ATP13A5: variants seen among roughly 807,000 people sequenced by gnomAD.
ATP13A5 encodes the protein ATPase 13A5.
In ATP13A5, 149 loss-of-function variants were observed where a neutral mutation model predicts 150.2. That is an observed-to-expected ratio of 0.99 (90% CI 0.87 to 1.14). The LOEUF (loss-of-function observed/expected upper bound fraction) is 1.14, where lower values mean the gene tolerates loss of function less well. Ranked by LOEUF, ATP13A5 falls within the 50% of genes most tolerant of loss-of-function variation. The pLI, the probability that ATP13A5 is intolerant of heterozygous loss-of-function variation, is 0.00. For synonymous variants in ATP13A5, 497 were observed against 522.2 expected, an observed-to-expected ratio of 0.95 and a Z score of 0.66; for missense variants, 1,383 against 1,449.3, an observed-to-expected ratio of 0.95 and a Z score of 0.74.
At chr3:193,306,247 G>T (rs938046533) in intron 22 of ATP13A5, among the ~76,000 whole-genome samples, 4 of 149,918 alleles carry the variant, frequency 2.7e-5, no homozygotes, top group Admixed American at 6.7e-5. Flanking sequence ...TCTCTAGTTC[G>T]TATCTCTATT....
intron 8 of ATP13A5, 70 bp downstream of exon 8, chr3:193,344,932 AT>A: frequency 2.2e-6 from 3 of 1,386,190 alleles, no homozygotes; most frequent in Non-Finnish European, 1.0e-6. Context: ...TTGACTAATA[AT>A]TAAGGACAAA....
Position 193,284,007 on chromosome 3 carries a change from G to GATTATTATTATTATT in ATP13A5, c.3226+892_3226+906dup, listed in dbSNP as rs3048432. ...TATTCTCTGGCTTCTTTGGCCTGCG[G>GATTATTATTATTATT]ATTATTATTATTATTATTATTATTA... On this transcript the variant is annotated intron_variant, in intron 27 of 29. Transcript: ENST00000342358. Among the ~76,000 whole-genome samples the GATTATTATTATTATT allele has an allele frequency of 6.1e-3, 871 of 141,884 alleles. 10 individuals are homozygous for GATTATTATTATTATT. The highest frequency in any genetic ancestry group is 0.021 in the African/African-American group (796 of 37,970). 93.1% of individuals were successfully genotyped at this position (141,884 alleles called of 152,430 possible).
At chr3:193,286,317 C>T (rs1458160961) in intron 26 of ATP13A5, among the ~76,000 whole-genome samples, 1 of 145,674 alleles carries the variant, frequency 6.9e-6, no homozygotes, top group African/African-American at 2.4e-5. Flanking sequence ...CATACAGGCA[C>T]ACTTTGCTTT....
At chr3:193,318,965 C>T (rs758546914) in intron 17 of ATP13A5, 26 bp downstream of exon 17, 9 of 1,526,830 alleles carry the variant, frequency 5.9e-6, no homozygotes, top group Non-Finnish European at 8.2e-6. Flanking sequence ...AGAGCCTGCT[C>T]TAGTGCCAAT....
At chr3:193,289,784 T>G in intron 26 of ATP13A5, 101 bp downstream of exon 26, 1 of 1,142,460 alleles carries the variant, frequency 8.8e-7, no homozygotes, top group South Asian at 1.8e-5. Flanking sequence ...ACAATTTGAT[T>G]AATTAAAAGT....
chr3:193,280,791 A>G (rs1449233549), intron 27 of ATP13A5, among the ~76,000 whole-genome samples: 1 of 152,198 alleles, frequency 6.6e-6, no homozygotes, highest in Non-Finnish European at 1.5e-5. Flanking sequence ...CATGATACAA[A>G]TGATTCTGAC....
chr3:193,313,506 A>G (rs1386066084), intron 19 of ATP13A5: 4 of 152,282 alleles, frequency 2.6e-5, no homozygotes, highest in Non-Finnish European at 5.9e-5. Context: ...CTATCTAGAA[A>G]AGCCCAGCCT....
chr3:193,333,259 T>G (rs1169734457), intron 11 of ATP13A5, among the ~76,000 whole-genome samples: 1 of 152,084 alleles, frequency 6.6e-6, no homozygotes, highest in Admixed American at 6.6e-5. Flanking sequence ...CCTGTTTGGA[T>G]GTTTTATTCA....
chr3:193,308,879 T>C (rs1718725458), intron 21 of ATP13A5, among the ~76,000 whole-genome samples: 1 of 152,240 alleles, frequency 6.6e-6, no homozygotes, highest in Non-Finnish European at 1.5e-5. Context: ...AGCAATATCA[T>C]GTAATGATCA....
rs1315255038 is a variant in ATP13A5 at position 193,324,848 on chromosome 3, TAA to T, written c.1674+14_1674+15del. The T allele has an allele frequency of 3.7e-6, 6 of 1,606,862 alleles. No homozygotes were observed. The highest frequency in any genetic ancestry group is 5.1e-6 in the Non-Finnish European group (6 of 1,177,780). ...TTTCCTCAGATTCTCATCTTTCCAT[TAA>T]ACTATCACCTTACCCAGGCAGTGCC... On this transcript the variant is annotated intron_variant, in intron 14 of 29. Coordinates refer to ENST00000342358, the MANE Select transcript of ATP13A5 (RefSeq NM_198505.4).
intron 1 of ATP13A5, among the ~76,000 whole-genome samples, chr3:193,365,982 A>G (rs1295720658): frequency 6.6e-6 from 1 of 152,124 alleles, no homozygotes; most frequent in Non-Finnish European, 1.5e-5. Context: ...TCTTTGAATC[A>G]GTAATTCTTC....
In ATP13A5 at chr3:193,289,966, G is replaced by C; in HGVS notation, c.2942C>G (p.Ser981Cys). The change falls in exon 26 of 30, where the codon TCC becomes TGC. Residue 981 changes from serine (S) to cysteine (C), a missense_variant. Ser to Cys is a moderately radical substitution (Grantham distance 112). Coordinates refer to ENST00000342358, the MANE Select transcript of ATP13A5 (RefSeq NM_198505.4). Reference sequence around the variant, plus strand: ...GATCTGCACAATGCAGGAGAAACAGGAATTCAAAAATATTGAAAGCAGTAA... The same window carrying C: ...GATCTGCACAATGCAGGAGAAACAGCAATTCAAAAATATTGAAAGCAGTAA... ...PPLLLSIFLN[S>C]CFSCIVQISA... 6.2e-7 allele frequency: 1 copy of C among 1,612,898 alleles called. No homozygotes were observed. The highest frequency in any genetic ancestry group is 8.5e-7 in the Non-Finnish European group (1 of 1,179,278).
In ATP13A5 at chr3:193,295,211, G is replaced by A. The variant is rs9854930; in HGVS notation, c.2848+3920C>T. Among the ~76,000 whole-genome samples, 473 of 152,080 alleles carry A rather than the reference G, an allele frequency of 3.1e-3. 2 individuals carry two copies. Among genetic ancestry groups the A allele is most frequent in the African/African-American group, 0.011 (447 of 41,506 alleles). On this transcript the variant is annotated intron_variant, in intron 25 of 29. Transcript: ENST00000342358. ...TTTTTCAATAAAAGATTTCACATAC[G>A]CTGCAGTGTGGTCACATTAAAAGCT...
chr3:193,347,344 A>G (rs1297714655), intron 7 of ATP13A5, among the ~76,000 whole-genome samples: 1 of 11,192 alleles, frequency 8.9e-5, no homozygotes, highest in Non-Finnish European at 1.4e-4. Context: ...TACATGTAAA[A>G]ACCAAATAAA....
chr3:193,354,497 C>A (rs936641771), intron 5 of ATP13A5, among the ~76,000 whole-genome samples: 13 of 151,820 alleles, frequency 8.6e-5, no homozygotes, highest in Non-Finnish European at 1.0e-4. Flanking sequence ...TTATTATATA[C>A]TAAAAGCAAC....
chr3:193,308,729 G>A lies in ATP13A5; in HGVS notation c.2526-1360C>T, dbSNP rs529182672. On this transcript the variant is annotated intron_variant, in intron 21 of 29. Transcript: ENST00000342358. ...ACAAAGGCATGAGGAGGAAGATTGG[G>A]ATGTTGAGAAGACAGCTCATTCTGA... Among the ~76,000 whole-genome samples, 5 of 152,280 alleles carry A rather than the reference G, an allele frequency of 3.3e-5. No individual in the cohort carries two copies. The South Asian group carries it at 8.3e-4, about 25-fold the overall frequency.
intron 27 of ATP13A5, among the ~76,000 whole-genome samples, chr3:193,284,606 C>T (rs1237641436): frequency 6.6e-6 from 1 of 152,130 alleles, no homozygotes; most frequent in Non-Finnish European, 1.5e-5. Context: ...GGTTAATTTG[C>T]ATTTGAATTG....
intron 1 of ATP13A5, 72 bp from the exon 2 acceptor site, chr3:193,364,352 A>G: frequency 6.5e-7 from 1 of 1,533,004 alleles, no homozygotes; most frequent in Non-Finnish European, 8.8e-7. Context: ...CTTTCAATAA[A>G]CCAAACTTGA....
At chr3:193,318,939 C>T (rs1293758121) in intron 17 of ATP13A5, 52 bp downstream of exon 17, 10 of 1,294,666 alleles carry the variant, frequency 7.7e-6, no homozygotes, top group Admixed American at 5.1e-5. Context: ...CTCCAGGACT[C>T]GCACTTCATG....
Sources: gnomAD v4.1 joint callset for allele counts (sites outside exome capture counted in the v4.1 genomes callset) on GRCh38, gnomAD v4.1.1 for gene constraint, MANE v1.5 for transcripts, NCBI Gene and HGNC (gene_info 2026-07-23, HGNC 2026-07-21) for gene names.